RBMS3: variants seen among roughly 807,000 people sequenced by gnomAD.
RBMS3 encodes the protein RNA-binding motif, single-stranded-interacting protein 3.
RBMS3 carries 27 observed loss-of-function variants against 66.8 expected under a neutral mutation model. The ratio of observed to expected loss-of-function variants is 0.40; its 90% CI spans 0.30 to 0.56. The LOEUF is 0.56. RBMS3 is among the 20% of genes least tolerant of loss of function. RBMS3 has a pLI of 0.40. For synonymous variants in RBMS3, 188 were observed against 183.0 expected (o/e 1.03, Z -0.22); for missense variants, 513 against 549.5 (o/e 0.93, Z 0.66).
intron 7 of RBMS3, among the ~76,000 whole-genome samples, chr3:29,875,787 G>A (rs1248544727): frequency 2.0e-5 from 3 of 151,726 alleles, no homozygotes; most frequent in African/African-American, 4.8e-5. Context: ...TCTGCTTCTC[G>A]TTTAGCCTAG....
chr3:29,336,795 G>C (rs2035979991), intron 1 of RBMS3, among the ~76,000 whole-genome samples: 1 of 152,128 alleles, frequency 6.6e-6, no homozygotes, highest in Non-Finnish European at 1.5e-5. Context: ...ACCCAGGCCT[G>C]ACACTGCCTG....
intron 6 of RBMS3, among the ~76,000 whole-genome samples, chr3:29,815,595 TACTC>T (rs1055840537): frequency 7.9e-5 from 12 of 152,242 alleles, no homozygotes; most frequent in Admixed American, 2.6e-4. Context: ...CATGGAATAA[TACTC>T]AGTCATAAAA....
At chr3:29,551,541 T>G (rs181376030) in intron 3 of RBMS3, among the ~76,000 whole-genome samples, 146 of 152,246 alleles carry the variant, frequency 9.6e-4, no homozygotes, top group Non-Finnish European at 3.5e-4. Context: ...ATAAAGAAAA[T>G]AATCAGTCTC....
At chr3:29,364,859 A>T (rs1329673129) in intron 1 of RBMS3, among the ~76,000 whole-genome samples, 1 of 152,048 alleles carries the variant, frequency 6.6e-6, no homozygotes, top group Non-Finnish European at 1.5e-5. Flanking sequence ...TTTATTGTCG[A>T]CCAATTGCTT....
At chr3:29,512,244 T>C (rs1478122318) in intron 3 of RBMS3, among the ~76,000 whole-genome samples, 3 of 152,064 alleles carry the variant, frequency 2.0e-5, no homozygotes, top group African/African-American at 4.8e-5. Context: ...TTTATACTAA[T>C]TTAATTCTAA....
rs569661796 is a variant in RBMS3 at position 29,300,403 on chromosome 3, T to C, written c.75+18647T>C. Among the ~76,000 whole-genome samples, 3 of 152,114 alleles carry C rather than the reference T, an allele frequency of 2.0e-5. No individual in the cohort carries two copies. The South Asian group carries it at 6.2e-4, about 31-fold the overall frequency. On this transcript the variant is annotated intron_variant, in intron 1 of 14. Transcript: ENST00000383767. ...TTAACAGAGAAGATTATAAGCAATC[T>C]AACTGTCCATCAATAAAGGAATAGA...
chr3:29,423,136 G>C (rs1461141307), intron 1 of RBMS3, among the ~76,000 whole-genome samples: 3 of 152,238 alleles, frequency 2.0e-5, no homozygotes, highest in East Asian at 3.9e-4. Context: ...CAGGGTTGCG[G>C]GGGTGGTTTC....
intron 2 of RBMS3, among the ~76,000 whole-genome samples, chr3:29,458,520 C>G (rs562836186): frequency 4.6e-5 from 7 of 152,254 alleles, no homozygotes; most frequent in Non-Finnish European, 1.0e-4. Context: ...CTCCTGTATG[C>G]TTTAAATAAT....
At chr3:29,347,929 A>G (rs1292430491) in intron 1 of RBMS3, among the ~76,000 whole-genome samples, 1 of 152,226 alleles carries the variant, frequency 6.6e-6, no homozygotes, top group East Asian at 1.9e-4. Flanking sequence ...AATATACTCA[A>G]TAAAGTTGGC....
chr3:29,920,160 T>A (rs948599600), intron 10 of RBMS3, among the ~76,000 whole-genome samples: 3 of 152,110 alleles, frequency 2.0e-5, no homozygotes, highest in African/African-American at 7.2e-5. Context: ...GGGGTTATAA[T>A]CAAACCAGAT....
intron 2 of RBMS3, among the ~76,000 whole-genome samples, chr3:29,447,536 C>T (rs2041874829): frequency 6.6e-6 from 1 of 152,134 alleles, no homozygotes; most frequent in African/African-American, 2.4e-5. Context: ...CAAAGTTTCT[C>T]TTTCTACGAA....
intron 6 of RBMS3, among the ~76,000 whole-genome samples, chr3:29,781,322 T>TTA (rs1216666182): frequency 6.6e-6 from 1 of 151,880 alleles, no homozygotes; most frequent in African/African-American, 2.4e-5. Flanking sequence ...TAAGTCTGCC[T>TTA]TCCTTCACTT....
At chr3:29,332,163 C>G (rs1345520607) in intron 1 of RBMS3, among the ~76,000 whole-genome samples, 2 of 152,256 alleles carry the variant, frequency 1.3e-5, no homozygotes, top group East Asian at 3.9e-4. Flanking sequence ...CAGCCCAGCT[C>G]TGAAAACACT....
chr3:29,481,551 C>T (rs75296663), intron 2 of RBMS3, among the ~76,000 whole-genome samples: 3,737 of 152,018 alleles, frequency 0.025, 62 homozygotes, highest in Non-Finnish European at 0.038. Context: ...TGAAGTAGAG[C>T]GGTGGATCCT....
intron 14 of RBMS3, among the ~76,000 whole-genome samples, chr3:30,003,492 T>C (rs1014241413): frequency 6.6e-6 from 1 of 151,974 alleles, no homozygotes; most frequent in African/African-American, 2.4e-5. Context: ...TACCATGAGA[T>C]AACATACAAC....
chr3:29,712,503 G>C (rs1469552016), intron 4 of RBMS3, among the ~76,000 whole-genome samples: 2 of 152,056 alleles, frequency 1.3e-5, no homozygotes, highest in Non-Finnish European at 2.9e-5. Context: ...TGTAGAGACA[G>C]AGTTTCACCA....
intron 6 of RBMS3, among the ~76,000 whole-genome samples, chr3:29,852,622 C>A (rs1207011979): frequency 6.6e-6 from 1 of 152,178 alleles, no homozygotes; most frequent in Non-Finnish European, 1.5e-5. Flanking sequence ...TATTATCTCA[C>A]ACCAGTCAGA....
At chr3:29,628,105 C>T (rs1210614718) in intron 4 of RBMS3, among the ~76,000 whole-genome samples, 1 of 152,100 alleles carries the variant, frequency 6.6e-6, no homozygotes, top group Non-Finnish European at 1.5e-5. Context: ...GATACTAGCC[C>T]TTGTTTTAGA....
At chr3:29,483,351 C>T (rs1559399846) in intron 2 of RBMS3, among the ~76,000 whole-genome samples, 2 of 151,656 alleles carry the variant, frequency 1.3e-5, no homozygotes, top group Non-Finnish European at 3.0e-5. Flanking sequence ...AAGAAAGTTC[C>T]CTTAGTCTCT....
Sources: allele counts gnomAD v4.1 joint callset (sites outside exome capture counted in the v4.1 genomes callset), GRCh38; gene constraint gnomAD v4.1.1; transcripts MANE v1.5; gene names NCBI Gene and HGNC (gene_info 2026-07-23, HGNC 2026-07-21).